The following BAZ1A variants were observed in gnomAD, a reference collection of about 807,000 sequenced individuals.
The protein encoded by BAZ1A is bromodomain adjacent to zinc finger domain 1A.
Under a neutral mutation model 185.2 loss-of-function variants are expected in BAZ1A, and 50 were observed. The ratio of observed to expected loss-of-function variants is 0.27; its 90% CI spans 0.22 to 0.34. The LOEUF is 0.34. BAZ1A is among the 10% of genes least tolerant of loss of function. The probability of loss-of-function intolerance (pLI) is 1.00; values close to 1 mark genes in which losing one functional copy is unlikely to be tolerated. For synonymous variants in BAZ1A, 571 were observed against 615.6 expected, an observed-to-expected ratio of 0.93 and a Z score of 1.07; for missense variants, 1,356 against 1,839.9, an observed-to-expected ratio of 0.74 and a Z score of 4.81.
chr14:34,792,110 G>A lies in BAZ1A; in HGVS notation c.1510+665C>T, dbSNP rs149388788. 5.3e-5 allele frequency among the ~76,000 whole-genome samples: 8 copies of A among 152,244 alleles called. No individual in the cohort carries two copies. The East Asian group carries it at 1.2e-3, about 22-fold the overall frequency. On this transcript the variant is annotated intron_variant, in intron 12 of 26. Transcript: ENST00000360310. ...CAATTAAAGTATTTCCTGGTCAGGC[G>A]CAGTGGTTCACGCCTGTAATCCCAG...
chr14:34,835,056 G>A (rs1018358695), intron 3 of BAZ1A, among the ~76,000 whole-genome samples: 3 of 150,748 alleles, frequency 2.0e-5, no homozygotes, highest in Admixed American at 2.0e-4. Context: ...TTCCGGCTCA[G>A]ATTTTTTTTT....
At chr14:34,811,334 C>T (rs1036313111) in intron 4 of BAZ1A, among the ~76,000 whole-genome samples, 2 of 152,060 alleles carry the variant, frequency 1.3e-5, no homozygotes, top group Admixed American at 6.6e-5. Flanking sequence ...GTAGAGGTAG[C>T]GTTTCACCAT....
intron 3 of BAZ1A, among the ~76,000 whole-genome samples, chr14:34,840,796 C>CA (rs1270123849): frequency 1.5e-5 from 2 of 132,658 alleles, no homozygotes; most frequent in East Asian, 4.3e-4. Context: ...AACAAACAAA[C>CA]AAAAAACTTA....
chr14:34,815,611 T>C (rs1392493981), intron 4 of BAZ1A, among the ~76,000 whole-genome samples: 1 of 152,236 alleles, frequency 6.6e-6, no homozygotes. Context: ...TTTATTTCAA[T>C]ATGCCTAGTT....
In BAZ1A at chr14:34,753,484, A is replaced by G. The variant is rs760458743; in HGVS notation, c.*24T>C. ...TTCATGAACAATTTGTTTTTCTTCA[A>G]ATATATCCTTTAGAAGGACAAAGTC... On this transcript the variant is annotated 3_prime_UTR_variant, in exon 27 of 27. Transcript: ENST00000360310. 4 of 1,612,678 alleles carry G rather than the reference A, an allele frequency of 2.5e-6. No individual in the cohort carries two copies. The highest frequency in any genetic ancestry group is 1.7e-5 in the Admixed American group (1 of 59,910).
intron 16 of BAZ1A, among the ~76,000 whole-genome samples, chr14:34,781,979 A>C (rs1449458415): frequency 6.6e-6 from 1 of 152,228 alleles, no homozygotes; most frequent in African/African-American, 2.4e-5. Flanking sequence ...CTGGCTATTA[A>C]GAATAATGCT....
intron 2 of BAZ1A, among the ~76,000 whole-genome samples, chr14:34,867,523 C>A (rs1236373947): frequency 6.6e-6 from 1 of 152,200 alleles, no homozygotes; most frequent in Non-Finnish European, 1.5e-5. Context: ...CTAAAAATAC[C>A]AAGAACAGCA....
chr14:34,763,525 C>T (rs898619643), intron 23 of BAZ1A, among the ~76,000 whole-genome samples: 2 of 152,094 alleles, frequency 1.3e-5, no homozygotes, highest in Non-Finnish European at 2.9e-5. Flanking sequence ...CAGAAAACCC[C>T]CAGTAGATCT....
intron 3 of BAZ1A, among the ~76,000 whole-genome samples, chr14:34,850,800 C>T (rs932158356): frequency 6.6e-6 from 1 of 152,094 alleles, no homozygotes; most frequent in Non-Finnish European, 1.5e-5. Flanking sequence ...ATTCCATAGC[C>T]ATTACTGTGG....
At chr14:34,807,951 A>G (rs2041871920) in intron 5 of BAZ1A, among the ~76,000 whole-genome samples, 1 of 151,872 alleles carries the variant, frequency 6.6e-6, no homozygotes, top group South Asian at 2.1e-4. Context: ...TAAAAATACA[A>G]AAAATTAGCA....
chr14:34,851,230 G>C (rs2042591675), intron 3 of BAZ1A, among the ~76,000 whole-genome samples: 1 of 150,742 alleles, frequency 6.6e-6, no homozygotes, highest in African/African-American at 2.4e-5. Context: ...CTACTTAGGA[G>C]GCTGAGGCAC....
At chr14:34,872,946 T>C (rs1480018320) in intron 2 of BAZ1A, among the ~76,000 whole-genome samples, 6 of 109,916 alleles carry the variant, frequency 5.5e-5, no homozygotes, top group African/African-American at 1.6e-4. Context: ...AAAAAACTTG[T>C]CCAATTACCT....
chr14:34,813,162 C>A lies in BAZ1A; in HGVS notation c.537-2126G>T, dbSNP rs1235824304. ...CTTTGTGAGGCCAAGGCTTGTGGAT[C>A]ACTTGAGCTGAGGAGTTTGAGACCA... On this transcript the variant is annotated intron_variant, in intron 4 of 26. Coordinates refer to ENST00000360310, the MANE Select transcript of BAZ1A (RefSeq NM_013448.3). 2.6e-5 allele frequency among the ~76,000 whole-genome samples: 4 copies of A among 152,070 alleles called. No individual in the cohort carries two copies. The East Asian group carries it at 7.7e-4, about 29-fold the overall frequency.
chr14:34,754,746 T>G (rs1171532703), intron 26 of BAZ1A, 81 bp downstream of exon 26: 5 of 1,007,492 alleles, frequency 5.0e-6, no homozygotes, highest in Non-Finnish European at 5.7e-6. Flanking sequence ...CTCTACCTCT[T>G]TAAACAAAAA....
chr14:34,831,557 A>T (rs556357098), intron 3 of BAZ1A, among the ~76,000 whole-genome samples: 8 of 152,340 alleles, frequency 5.3e-5, no homozygotes, highest in African/African-American at 1.9e-4. Flanking sequence ...CACCTTGCCC[A>T]TTCCAGGCTT....
chr14:34,873,711 C>T (rs2042990339), intron 2 of BAZ1A, among the ~76,000 whole-genome samples: 1 of 152,242 alleles, frequency 6.6e-6, no homozygotes, highest in Admixed American at 6.5e-5. Context: ...TTCCTCTTCC[C>T]CTTGCCCAGC....
At chr14:34,757,023 T>C (rs541012559) in intron 25 of BAZ1A, among the ~76,000 whole-genome samples, 7 of 152,258 alleles carry the variant, frequency 4.6e-5, no homozygotes, top group South Asian at 2.1e-4. Flanking sequence ...ATTCATTACA[T>C]AGAACAAAAA....
chr14:34,788,523 C>G (rs1880641187), intron 12 of BAZ1A, among the ~76,000 whole-genome samples: 1 of 152,080 alleles, frequency 6.6e-6, no homozygotes, highest in African/African-American at 2.4e-5. Context: ...AGGCTGGTCT[C>G]ACATTCCTGA....
chr14:34,842,344 C>A (rs911819526), intron 3 of BAZ1A, among the ~76,000 whole-genome samples: 1 of 152,206 alleles, frequency 6.6e-6, no homozygotes, highest in African/African-American at 2.4e-5. Flanking sequence ...AGACAGCATT[C>A]TTTCATCTGC....
Sources: gnomAD v4.1 joint callset for allele counts (sites outside exome capture counted in the v4.1 genomes callset) on GRCh38, gnomAD v4.1.1 for gene constraint, MANE v1.5 for transcripts, NCBI Gene and HGNC (gene_info 2026-07-23, HGNC 2026-07-21) for gene names.